GRID2: variants seen among roughly 807,000 people sequenced by gnomAD.
GRID2 encodes the protein glutamate receptor ionotropic, delta-2.
Under a neutral mutation model 114.8 loss-of-function variants are expected in GRID2, and 33 were observed. The observed-to-expected ratio is 0.29, with a 90% CI of 0.22 to 0.38. The LOEUF is 0.38. Ranked by LOEUF, GRID2 falls within the 10% of genes least tolerant of loss-of-function variation. GRID2 has a pLI of 1.00. For synonymous variants in GRID2, 505 were observed against 449.9 expected, an observed-to-expected ratio of 1.12 and a Z score of -1.55; for missense variants, 1,184 against 1,257.7, an observed-to-expected ratio of 0.94 and a Z score of 0.89.
intron 2 of GRID2, among the ~76,000 whole-genome samples, chr4:92,638,615 C>T (rs1731189413): frequency 6.7e-6 from 1 of 149,674 alleles, no homozygotes; most frequent in Non-Finnish European, 1.5e-5. Flanking sequence ...GAAATAATTG[C>T]ACAGTGCTTA....
chr4:93,116,559 C>A (rs1430485378), intron 4 of GRID2, among the ~76,000 whole-genome samples: 1 of 152,054 alleles, frequency 6.6e-6, no homozygotes, highest in African/African-American at 2.4e-5. Flanking sequence ...TAACAAATCT[C>A]CAAAATCCCC....
intron 8 of GRID2, among the ~76,000 whole-genome samples, chr4:93,284,611 C>T (rs959406646): frequency 6.6e-6 from 1 of 151,814 alleles, no homozygotes; most frequent in Non-Finnish European, 1.5e-5. Flanking sequence ...AATTTCCCCA[C>T]TCCACCTTGT....
chr4:92,322,046 A>ATTC (rs1726343278), intron 1 of GRID2, among the ~76,000 whole-genome samples: 1 of 152,150 alleles, frequency 6.6e-6, no homozygotes, highest in Admixed American at 6.6e-5. Flanking sequence ...ATGTACTGCT[A>ATTC]ATCAGGGTCC....
At chr4:93,500,060 AAAGAAT>A (rs1342789269) in intron 12 of GRID2, among the ~76,000 whole-genome samples, 1 of 152,040 alleles carries the variant, frequency 6.6e-6, no homozygotes, top group Non-Finnish European at 1.5e-5. Context: ...GCTTTGCAGA[AAAGAAT>A]AAATGGCAGC....
rs554679116 is a variant in GRID2 at position 92,841,237 on chromosome 4, C to T, written c.245-243758C>T. Among the ~76,000 whole-genome samples, 59 of 152,154 alleles carry T rather than the reference C, an allele frequency of 3.9e-4. 1 individual carries two copies. The South Asian group carries it at 5.4e-3, about 14-fold the overall frequency. ...TCACTGATTTAAAGCCAGCTGAAAT[C>T]TTTTTGTCAGAAATGTACTCACTTT... On this transcript the variant is annotated intron_variant, in intron 2 of 15. Transcript: ENST00000282020.
At chr4:93,764,247 A>G (rs1025264641) in intron 14 of GRID2, among the ~76,000 whole-genome samples, 1 of 152,170 alleles carries the variant, frequency 6.6e-6, no homozygotes. Context: ...CCTCATTTAT[A>G]CCAATAAAGA....
At chr4:92,843,383 C>T (rs145279944) in intron 2 of GRID2, among the ~76,000 whole-genome samples, 61 of 152,234 alleles carry the variant, frequency 4.0e-4, no homozygotes, top group Admixed American at 1.1e-3. Flanking sequence ...ACTCCTTTCA[C>T]TTAGAAAATT....
chr4:92,959,759 A>G (rs974619446), intron 2 of GRID2, among the ~76,000 whole-genome samples: 2 of 152,112 alleles, frequency 1.3e-5, no homozygotes, highest in African/African-American at 4.8e-5. Flanking sequence ...CAGGAACAGA[A>G]AATCAAACAC....
intron 13 of GRID2, among the ~76,000 whole-genome samples, chr4:93,611,773 GA>G (rs549633641): frequency 0.092 from 13,447 of 146,718 alleles, 638 homozygotes; most frequent in Non-Finnish European, 0.13. Flanking sequence ...GTGTGGTGCT[GA>G]AAAAAATGTA....
intron 12 of GRID2, among the ~76,000 whole-genome samples, chr4:93,497,054 T>G (rs1223013309): frequency 6.6e-6 from 1 of 151,360 alleles, no homozygotes; most frequent in Non-Finnish European, 1.5e-5. Context: ...TGGTATCATT[T>G]TTTTTTTTTT....
chr4:92,318,353 T>C (rs1726119695), intron 1 of GRID2, among the ~76,000 whole-genome samples: 1 of 145,900 alleles, frequency 6.9e-6, no homozygotes, highest in South Asian at 2.2e-4. Context: ...CTGTTGTTAC[T>C]CTGCTCACAG....
chr4:93,628,549 A>G (rs994734936), intron 14 of GRID2, among the ~76,000 whole-genome samples: 5 of 152,142 alleles, frequency 3.3e-5, no homozygotes, highest in African/African-American at 1.2e-4. Context: ...CTAAGGGAAG[A>G]AACACACCAC....
rs559002228 is a variant in GRID2 at position 93,214,382 on chromosome 4, T to G, written c.790-2356T>G. ...TAAATGATCACTTGTCTTTCAGTGTTTATATAACTTTGCATCTGCCACTCT... is the reference window on the plus strand; with the variant it reads ...TAAATGATCACTTGTCTTTCAGTGTGTATATAACTTTGCATCTGCCACTCT... On this transcript the variant is annotated intron_variant, in intron 5 of 15. Coordinates refer to ENST00000282020, the MANE Select transcript of GRID2 (RefSeq NM_001510.4). 2.8e-4 allele frequency among the ~76,000 whole-genome samples: 42 copies of G among 152,208 alleles called. 1 individual carries two copies. The South Asian group carries it at 4.4e-3, about 16-fold the overall frequency.
intron 1 of GRID2, among the ~76,000 whole-genome samples, chr4:92,397,731 CAATAGCAACCCA>C (rs1365834536): frequency 1.3e-5 from 2 of 151,944 alleles, no homozygotes; most frequent in Non-Finnish European, 2.9e-5. Flanking sequence ...CAAAATGTTA[CAATAGCAACCCA>C]AAATACAGTA....
chr4:93,323,388 T>G (rs1174826339), intron 8 of GRID2, among the ~76,000 whole-genome samples: 1 of 152,190 alleles, frequency 6.6e-6, no homozygotes, highest in African/African-American at 2.4e-5. Flanking sequence ...AGGGCTCTGT[T>G]CTGTTCCATT....
In GRID2 at chr4:93,633,071, A is replaced by T. The variant is rs150501522; in HGVS notation, c.2360+6636A>T. 3.1e-3 allele frequency among the ~76,000 whole-genome samples: 473 copies of T among 152,102 alleles called. 1 individual carries two copies. Among genetic ancestry groups the T allele is most frequent in the African/African-American group, 0.011 (454 of 41,520 alleles). ...TCTATCTCTCTCTCTCTACACATGCATGCATGCACACACATAGACACACAA... is the reference window on the plus strand; with the variant it reads ...TCTATCTCTCTCTCTCTACACATGCTTGCATGCACACACATAGACACACAA... On this transcript the variant is annotated intron_variant, in intron 14 of 15. Transcript: ENST00000282020.
intron 3 of GRID2, among the ~76,000 whole-genome samples, chr4:93,101,977 A>G (rs1731746584): frequency 6.6e-6 from 1 of 152,136 alleles, no homozygotes; most frequent in Admixed American, 6.6e-5. Context: ...AATTTCTTCC[A>G]CTAAACTGGA....
intron 2 of GRID2, among the ~76,000 whole-genome samples, chr4:92,806,210 C>T (rs886685895): frequency 3.4e-5 from 5 of 147,816 alleles, no homozygotes; most frequent in Admixed American, 1.4e-4. Flanking sequence ...CACACACACA[C>T]ACGGATATCT....
chr4:93,659,643 G>T (rs554287611), intron 14 of GRID2, among the ~76,000 whole-genome samples: 9 of 152,184 alleles, frequency 5.9e-5, no homozygotes, highest in African/African-American at 2.2e-4. Context: ...GTGAATGATT[G>T]GCAGACTAGA....
Sources: allele counts gnomAD v4.1 joint callset (sites outside exome capture counted in the v4.1 genomes callset), GRCh38; gene constraint gnomAD v4.1.1; transcripts MANE v1.5; gene names NCBI Gene and HGNC (gene_info 2026-07-23, HGNC 2026-07-21).